Variants in SEMA3E observed in about 807,000 individuals in gnomAD.
The protein encoded by SEMA3E is semaphorin 3E.
A neutral mutation model predicts 93.6 loss-of-function variants in SEMA3E; 49 were observed. The observed-to-expected ratio is 0.52, with a 90% confidence interval of 0.42 to 0.66. SEMA3E has a LOEUF of 0.66. SEMA3E is among the 30% of genes least tolerant of loss of function. The pLI is 0.00. For synonymous variants in SEMA3E, 363 were observed against 330.7 expected, an observed-to-expected ratio of 1.10 and a Z score of -1.06; for missense variants, 906 against 964.8, an observed-to-expected ratio of 0.94 and a Z score of 0.81.
chr7:83,495,316 G>A (rs551557503), intron 1 of SEMA3E, among the ~76,000 whole-genome samples: 1 of 151,938 alleles, frequency 6.6e-6, no homozygotes, highest in Admixed American at 6.6e-5. Flanking sequence ...GATTGTGAAA[G>A]TGACTCACAT....
chr7:83,597,983 G>A (rs1462664386), intron 1 of SEMA3E, among the ~76,000 whole-genome samples: 2 of 152,188 alleles, frequency 1.3e-5, no homozygotes, highest in Admixed American at 6.5e-5. Context: ...ACTTTGTGGT[G>A]CATTTCTGGA....
intron 1 of SEMA3E, among the ~76,000 whole-genome samples, chr7:83,503,845 A>G (rs971653713): frequency 8.5e-5 from 13 of 152,226 alleles, no homozygotes; most frequent in African/African-American, 3.1e-4. Context: ...GTGGCACAAG[A>G]CTGTACTTAA....
chr7:83,447,748 G>A (rs115592682), intron 4 of SEMA3E, among the ~76,000 whole-genome samples: 293 of 152,296 alleles, frequency 1.9e-3, no homozygotes, highest in African/African-American at 6.7e-3. Context: ...TGCTGGAGAC[G>A]ATAGGCCAGT....
chr7:83,635,643 AT>A (rs1411314795), intron 1 of SEMA3E, among the ~76,000 whole-genome samples: 2 of 151,950 alleles, frequency 1.3e-5, no homozygotes, highest in African/African-American at 4.8e-5. Flanking sequence ...ATGAAAAAAC[AT>A]TTTTTCTTGG....
At chr7:83,461,719 A>G (rs961238867) in intron 4 of SEMA3E, among the ~76,000 whole-genome samples, 2 of 152,180 alleles carry the variant, frequency 1.3e-5, no homozygotes, top group Admixed American at 6.5e-5. Flanking sequence ...TGCTCCCGAC[A>G]TTAAATAAAA....
intron 1 of SEMA3E, among the ~76,000 whole-genome samples, chr7:83,519,758 A>G (rs1584304732): frequency 6.6e-6 from 1 of 152,296 alleles, no homozygotes; most frequent in African/African-American, 2.4e-5. Context: ...TTCTGTACGC[A>G]TAGAACCTGG....
At chr7:83,427,030 G>C (rs951467650) in intron 4 of SEMA3E, among the ~76,000 whole-genome samples, 1 of 151,886 alleles carries the variant, frequency 6.6e-6, no homozygotes, top group Non-Finnish European at 1.5e-5. Flanking sequence ...TATTAAAAAA[G>C]AAATCAAAGA....
chr7:83,528,154 G>A (rs1392189829), intron 1 of SEMA3E, among the ~76,000 whole-genome samples: 1 of 151,874 alleles, frequency 6.6e-6, no homozygotes, highest in Non-Finnish European at 1.5e-5. Context: ...TGACAATACT[G>A]AATATAAATA....
chr7:83,431,626 A>G (rs1407292600), intron 4 of SEMA3E, among the ~76,000 whole-genome samples: 1 of 151,896 alleles, frequency 6.6e-6, no homozygotes, highest in Non-Finnish European at 1.5e-5. Context: ...CTGGTCTCAA[A>G]CTCCTGACCT....
rs144494421 is a variant in SEMA3E, at chr7:83,408,763, G to A, written c.551-276C>T. 2.8e-3 allele frequency among the ~76,000 whole-genome samples: 424 copies of A among 152,224 alleles called. 2 individuals are homozygous for A. The highest frequency in any genetic ancestry group is 8.4e-3 in the African/African-American group (348 of 41,538). On this transcript the variant is annotated intron_variant, in intron 5 of 16. Transcript: ENST00000643230. Reference sequence around the variant, plus strand: ...ATTGCATTCAGTAAGATAGTTAAGAGCAAAGCACTTGGAAGATCAGCTGGT... The same window carrying A: ...ATTGCATTCAGTAAGATAGTTAAGAACAAAGCACTTGGAAGATCAGCTGGT...
rs117474972 is a variant in SEMA3E at position 83,541,748 on chromosome 7, A to C, written c.116-51474T>G. Among the ~76,000 whole-genome samples the C allele has an allele frequency of 1.4e-4, 21 of 152,236 alleles. No homozygotes were observed. The East Asian group carries it at 4.1e-3, about 29-fold the overall frequency. ...TACCTTTCAGAGAAAGTGAAAGAGGATAGCATGACTCTGATGTAAGTTCTT... is the reference window on the plus strand; with the variant it reads ...TACCTTTCAGAGAAAGTGAAAGAGGCTAGCATGACTCTGATGTAAGTTCTT... On this transcript the variant is annotated intron_variant, in intron 1 of 16. Coordinates refer to ENST00000643230, the MANE Select transcript of SEMA3E (RefSeq NM_012431.3).
At chr7:83,414,402 G>A (rs1788502020) in intron 5 of SEMA3E, among the ~76,000 whole-genome samples, 1 of 151,932 alleles carries the variant, frequency 6.6e-6, no homozygotes, top group Non-Finnish European at 1.5e-5. Flanking sequence ...TTCTCTGCAT[G>A]CATTCTAACT....
intron 1 of SEMA3E, among the ~76,000 whole-genome samples, chr7:83,639,193 T>C (rs1019834701): frequency 4.3e-4 from 61 of 142,944 alleles, no homozygotes; most frequent in African/African-American, 1.5e-3. Context: ...ATTCAGCAGC[T>C]CCCAGGGAAT....
intron 2 of SEMA3E, among the ~76,000 whole-genome samples, chr7:83,473,956 G>A (rs533982205): frequency 3.9e-5 from 6 of 151,946 alleles, no homozygotes; most frequent in Admixed American, 2.0e-4. Context: ...AGCCAGGCGT[G>A]GTGGTGTGCA....
intron 1 of SEMA3E, among the ~76,000 whole-genome samples, chr7:83,562,246 T>G (rs927687575): frequency 1.6e-4 from 25 of 152,054 alleles, no homozygotes; most frequent in Non-Finnish European, 2.9e-4. Flanking sequence ...TACTTTTGCA[T>G]TTTTTTGTGA....
At chr7:83,546,321 GGTGTGT>G (rs67647992) in intron 1 of SEMA3E, among the ~76,000 whole-genome samples, 15,893 of 129,308 alleles carry the variant, frequency 0.12, 1,020 homozygotes, top group East Asian at 0.2. Flanking sequence ...TATAATAAGG[GGTGTGT>G]GTGTGTGTGT....
chr7:83,531,944 C>A (rs1206126033), intron 1 of SEMA3E, among the ~76,000 whole-genome samples: 2 of 152,064 alleles, frequency 1.3e-5, no homozygotes, highest in Non-Finnish European at 2.9e-5. Context: ...TTCAACTATT[C>A]CATATGGGAA....
chr7:83,528,694 T>G (rs1037271969), intron 1 of SEMA3E, among the ~76,000 whole-genome samples: 3 of 152,060 alleles, frequency 2.0e-5, no homozygotes, highest in Non-Finnish European at 4.4e-5. Flanking sequence ...CCAACTCCAC[T>G]TGCAAACTAT....
Position 83,546,070 on chromosome 7 carries a change from C to T in SEMA3E, c.116-55796G>A, listed in dbSNP as rs374169644. ...TTATATATGTACACATATTATCCCA[C>T]GATGACAAGTATTATAATGTATCAG... On this transcript the variant is annotated intron_variant, in intron 1 of 16. Coordinates refer to ENST00000643230, the MANE Select transcript of SEMA3E (RefSeq NM_012431.3). Among the ~76,000 whole-genome samples the T allele has an allele frequency of 3.4e-5, 5 of 146,032 alleles. No individual in the cohort carries two copies. The East Asian group carries it at 6.0e-4, about 17-fold the overall frequency.
Sources: allele counts gnomAD v4.1 joint callset (sites outside exome capture counted in the v4.1 genomes callset), GRCh38; gene constraint gnomAD v4.1.1; transcripts MANE v1.5; gene names NCBI Gene and HGNC (gene_info 2026-07-23, HGNC 2026-07-21).